MAP3K13: variants seen among roughly 807,000 people sequenced by gnomAD.
MAP3K13 encodes mitogen-activated protein kinase kinase kinase 13, also known as leucine zipper-bearing kinase.
Under a neutral mutation model 104.0 loss-of-function variants are expected in MAP3K13, and 52 were observed. That is an observed-to-expected ratio of 0.50 (90% CI 0.40 to 0.63). MAP3K13 has a LOEUF of 0.63. MAP3K13 is among the 20% of genes least tolerant of loss of function. The probability of loss-of-function intolerance (pLI) is 0.00; values close to 1 mark genes in which losing one functional copy is unlikely to be tolerated. For missense variants in MAP3K13, 914 were observed against 1,218.5 expected (o/e 0.75, Z 3.72); for synonymous variants, 394 against 442.2 (o/e 0.89, Z 1.37).
At chr3:185,442,205 G>T (rs1715364958) in intron 3 of MAP3K13, among the ~76,000 whole-genome samples, 1 of 139,826 alleles carries the variant, frequency 7.2e-6, no homozygotes, top group Non-Finnish European at 1.6e-5. Flanking sequence ...AAAAAAAAAA[G>T]TGTATATTTT....
In MAP3K13 at chr3:185,473,272, C is replaced by T. The variant is rs1717913241; in HGVS notation, c.1941C>T (p.Ala647=). The T allele has an allele frequency of 6.2e-7, 1 of 1,614,122 alleles. No individual in the cohort carries two copies. Among genetic ancestry groups the T allele is most frequent in the Admixed American group, 1.7e-5 (1 of 60,006 alleles). The change falls in exon 11 of 14, where the codon GCC becomes GCT. Residue 647 remains alanine, a synonymous_variant. Transcript: ENST00000265026. This position sits in a 1 kb window ranked among gnomAD's most constrained non-coding sequence, Gnocchi z 4.9. ...AGCAATACCAGCAGCCCCCTCCTGC[C>T]ATGTCCCAGAGTCACCATCCCAGAC... The part of the protein sequence containing the change: ...LQQQYQQPPP[A]MSQSHHPRLN...
At chr3:185,372,549 A>G (rs1010924964) in intron 1 of MAP3K13, among the ~76,000 whole-genome samples, 1 of 152,210 alleles carries the variant, frequency 6.6e-6, no homozygotes, top group African/African-American at 2.4e-5. Flanking sequence ...GGCTTCCACC[A>G]TAACACATTG....
At chr3:185,421,118 A>G (rs923228231) in intron 1 of MAP3K13, among the ~76,000 whole-genome samples, 5 of 151,240 alleles carry the variant, frequency 3.3e-5, no homozygotes, top group African/African-American at 9.7e-5. Context: ...TCACCTACAG[A>G]CCTTCCCGGA....
At chr3:185,362,824 G>A (rs1051845864), upstream of MAP3K13, among the ~76,000 whole-genome samples, 24 of 151,918 alleles carry the variant, frequency 1.6e-4, no homozygotes, top group African/African-American at 5.6e-4. Context: ...ATAAAAGATG[G>A]GATTTCTTCT....
intron 7 of MAP3K13, among the ~76,000 whole-genome samples, chr3:185,454,626 GATATATATATGAGATATATATATGAT>G (rs1309164950): frequency 2.1e-4 from 3 of 14,234 alleles, no homozygotes; most frequent in Non-Finnish European, 5.8e-4. Context: ...ATATATATGA[GATATATATATGAGATATATATATGAT>G]ATATATATGA....
At chr3:185,453,879 T>A (rs1716052604) in intron 7 of MAP3K13, among the ~76,000 whole-genome samples, 1 of 85,018 alleles carries the variant, frequency 1.2e-5, no homozygotes, top group Non-Finnish European at 2.4e-5. Flanking sequence ...TACATATATA[T>A]GAGATATATA....
At chr3:185,344,431 T>C (rs1722839132) in intron 2 of MAP3K13, among the ~76,000 whole-genome samples, 1 of 152,194 alleles carries the variant, frequency 6.6e-6, no homozygotes, top group Non-Finnish European at 1.5e-5. Context: ...CTTACCCCTC[T>C]CCTTACACAG....
At position 185,453,809 on chromosome 3, in the gene MAP3K13, A is replaced by G. The variant is rs372653616; in HGVS notation, c.1278+2414A>G. ...ATATATATATATGAGATATATATAT[A>G]TGATACATATATATGAGATATATAT... is the stretch of plus-strand genomic sequence containing the variant. On this transcript the variant is annotated intron_variant, in intron 7 of 13. Transcript: ENST00000265026. Among the ~76,000 whole-genome samples the G allele has an allele frequency of 3.0e-4, 12 of 39,428 alleles. No homozygotes were observed. In the South Asian group the frequency reaches 5.1e-3, roughly 17 times the overall value. 25.9% of individuals were successfully genotyped at this position (39,428 alleles called of 152,430 possible). A position where few individuals can be genotyped will look rare whatever the true frequency, so the allele number is the denominator to read the frequency against.
intron 7 of MAP3K13, among the ~76,000 whole-genome samples, chr3:185,461,346 A>G (rs1487231703): frequency 6.6e-6 from 1 of 152,188 alleles, no homozygotes. Flanking sequence ...TGTTCAACCT[A>G]TATGTGGGAA....
chr3:185,420,146 A>T (rs928053910), intron 1 of MAP3K13, among the ~76,000 whole-genome samples: 1 of 151,894 alleles, frequency 6.6e-6, no homozygotes, highest in Admixed American at 6.6e-5. Context: ...TAATTGTTTC[A>T]TGAAATATTA....
Position 185,418,217 on chromosome 3 carries a change from G to A in MAP3K13, c.-85-10280G>A. ...ATTTTGCCTTTGCCAGCTCTCATTCGCTGAGAGGCATAGACCTTTTCGATA... is the reference window on the plus strand; with the variant it reads ...ATTTTGCCTTTGCCAGCTCTCATTCACTGAGAGGCATAGACCTTTTCGATA... On this transcript the variant is annotated intron_variant, in intron 1 of 13. Transcript: ENST00000265026. This position sits in a 1 kb window ranked among gnomAD's most constrained non-coding sequence, Gnocchi z 4.5. The A allele has an allele frequency of 2.5e-6, 4 of 1,610,314 alleles. No homozygotes were observed. Among genetic ancestry groups the A allele is most frequent in the Non-Finnish European group, 3.4e-6 (4 of 1,177,928 alleles).
At chr3:185,318,899 A>G (rs929278075) in intron 2 of MAP3K13, among the ~76,000 whole-genome samples, 2 of 152,222 alleles carry the variant, frequency 1.3e-5, no homozygotes, top group South Asian at 2.1e-4. Context: ...CAATATTACC[A>G]TTACTTCTAG....
intron 1 of MAP3K13, among the ~76,000 whole-genome samples, chr3:185,393,408 A>G (rs889630084): frequency 3.3e-5 from 5 of 152,112 alleles, no homozygotes; most frequent in Non-Finnish European, 7.4e-5. Context: ...TTGCATTTCT[A>G]TGGATAAGAA....
chr3:185,463,490 T>G, intron 7 of MAP3K13, 60 bp from the exon 8 acceptor site: 1 of 957,408 alleles, frequency 1.0e-6, no homozygotes. Context: ...CGTGACTTTA[T>G]GGATATATCA....
intron 7 of MAP3K13, among the ~76,000 whole-genome samples, chr3:185,460,535 G>C (rs576642351): frequency 1.3e-5 from 2 of 152,166 alleles, no homozygotes; most frequent in East Asian, 3.9e-4. Flanking sequence ...CTCGATAGCT[G>C]TGCAAATTGG....
chr3:185,336,995 G>A (rs1417315179), intron 2 of MAP3K13, among the ~76,000 whole-genome samples: 2 of 151,994 alleles, frequency 1.3e-5, no homozygotes, highest in Non-Finnish European at 2.9e-5. Flanking sequence ...AACAACAAAC[G>A]TGATTATAAT....
At chr3:185,442,465 T>A (rs893618551) in intron 3 of MAP3K13, among the ~76,000 whole-genome samples, 1 of 152,150 alleles carries the variant, frequency 6.6e-6, no homozygotes, top group Admixed American at 6.5e-5. Context: ...TTTCTCTGAA[T>A]TATCTTCCTG....
chr3:185,341,627 A>G (rs867280415), intron 2 of MAP3K13, among the ~76,000 whole-genome samples: 9 of 152,156 alleles, frequency 5.9e-5, no homozygotes, highest in African/African-American at 2.2e-4. Flanking sequence ...TCCTCCCTTT[A>G]AGAGGTATAG....
intron 10 of MAP3K13, among the ~76,000 whole-genome samples, chr3:185,470,403 C>T (rs768601974): frequency 6.6e-5 from 10 of 152,180 alleles, no homozygotes; most frequent in Non-Finnish European, 1.5e-4. Flanking sequence ...TTCTTTTGCA[C>T]GTAATCTTCA....
Sources: gnomAD v4.1 joint callset for allele counts (sites outside exome capture counted in the v4.1 genomes callset) on GRCh38, gnomAD v4.1.1 for gene constraint, Gnocchi (gnomAD v3.1) non-coding constraint, MANE v1.5 for transcripts, NCBI Gene and HGNC (gene_info 2026-07-23, HGNC 2026-07-21) for gene names.